The following CNTNAP2 variants were observed in gnomAD, a reference collection of about 807,000 sequenced individuals.
CNTNAP2 encodes contactin associated protein 2, also known as contactin-associated protein-like 2.
A neutral mutation model predicts 155.2 loss-of-function variants in CNTNAP2; 98 were observed. The observed-to-expected ratio is 0.63, with a 90% CI of 0.54 to 0.75. The LOEUF (loss-of-function observed/expected upper bound fraction) is 0.75. Among genes scored for constraint, CNTNAP2 ranks in the 30% least tolerant of loss-of-function variants. The pLI is 0.00. For missense variants in CNTNAP2, 1,727 were observed against 1,688.1 expected, an observed-to-expected ratio of 1.02 and a Z score of -0.40; for synonymous variants, 651 against 631.2, an observed-to-expected ratio of 1.03 and a Z score of -0.47.
At chr7:146,696,306 T>C (rs528786031) in intron 1 of CNTNAP2, among the ~76,000 whole-genome samples, 1 of 152,210 alleles carries the variant, frequency 6.6e-6, no homozygotes, top group Non-Finnish European at 1.5e-5. Context: ...ATCAAATCTG[T>C]AAGCATGAAA....
chr7:147,486,889 C>CCGTGTGTGTGTGTGTG (rs71527815), intron 11 of CNTNAP2, among the ~76,000 whole-genome samples: 1 of 146,842 alleles, frequency 6.8e-6, no homozygotes, highest in South Asian at 2.2e-4. Context: ...ACGTATGTGC[C>CCGTGTGTGTGTGTGTG]TGTGTGTGTG....
chr7:147,668,854 G>A (rs560629028), intron 13 of CNTNAP2, among the ~76,000 whole-genome samples: 52 of 152,106 alleles, frequency 3.4e-4, no homozygotes, highest in Middle Eastern at 3.4e-3. Flanking sequence ...AGTAGTGTGC[G>A]GTGATGCCCT....
intron 1 of CNTNAP2, among the ~76,000 whole-genome samples, chr7:146,324,587 C>T (rs1037475227): frequency 6.6e-6 from 1 of 152,132 alleles, no homozygotes; most frequent in African/African-American, 2.4e-5. Flanking sequence ...TGACATCTTT[C>T]AGTCAGGGTT....
At chr7:146,545,975 G>A (rs1249824057) in intron 1 of CNTNAP2, among the ~76,000 whole-genome samples, 2 of 151,900 alleles carry the variant, frequency 1.3e-5, no homozygotes, top group African/African-American at 4.8e-5. Context: ...GAAAACAATG[G>A]ATCATGATAT....
chr7:147,211,760 T>A (rs1033343571), intron 8 of CNTNAP2, among the ~76,000 whole-genome samples: 1 of 151,934 alleles, frequency 6.6e-6, no homozygotes, highest in African/African-American at 2.4e-5. Context: ...AAATTATAAC[T>A]AAGTCCTCAA....
chr7:147,988,644 C>T (rs1288412070), intron 15 of CNTNAP2, among the ~76,000 whole-genome samples: 3 of 152,052 alleles, frequency 2.0e-5, no homozygotes, highest in African/African-American at 7.2e-5. Context: ...TGGGTTCTGC[C>T]TCCTCCATGT....
Position 148,418,840 on chromosome 7 carries a change from C to A in CNTNAP2, c.*3224C>A, listed in dbSNP as rs1005079541. 1.3e-5 allele frequency: 2 copies of A among 152,228 alleles called. No homozygotes were observed. The highest frequency in any genetic ancestry group is 4.8e-5 in the African/African-American group (2 of 41,454). The allele number at this position is 152,228 out of a possible 1,614,324, so 9.4% of individuals were successfully genotyped here. ...GTCCTACTGCCCTGCATTTGACAAACAAGCATCCTTTACTAACAAGAGCAG... is the reference window on the plus strand; with the variant it reads ...GTCCTACTGCCCTGCATTTGACAAAAAAGCATCCTTTACTAACAAGAGCAG... On this transcript the variant is annotated 3_prime_UTR_variant, in exon 24 of 24. Coordinates refer to ENST00000361727, the MANE Select transcript of CNTNAP2 (RefSeq NM_014141.6).
intron 1 of CNTNAP2, among the ~76,000 whole-genome samples, chr7:146,295,441 G>C (rs1263769298): frequency 6.6e-6 from 1 of 152,080 alleles, no homozygotes; most frequent in Non-Finnish European, 1.5e-5. Flanking sequence ...TGTTCATAAA[G>C]ATGTATGTAA....
chr7:147,629,380 G>A (rs931753944), intron 12 of CNTNAP2, among the ~76,000 whole-genome samples: 9 of 148,816 alleles, frequency 6.0e-5, no homozygotes, highest in Non-Finnish European at 1.2e-4. Flanking sequence ...TCCAGCCTGG[G>A]CAACAAGAGC....
rs536553541 is a variant in CNTNAP2, at chr7:148,080,731, A to G, written c.2384-37387A>G. Among the ~76,000 whole-genome samples, 4 of 152,300 alleles carry G rather than the reference A, an allele frequency of 2.6e-5. No homozygotes were observed. In the East Asian group the frequency reaches 7.7e-4, roughly 29 times the overall value. On this transcript the variant is annotated intron_variant, in intron 15 of 23. Coordinates refer to ENST00000361727, the MANE Select transcript of CNTNAP2 (RefSeq NM_014141.6). Reference sequence around the variant, plus strand: ...AATTTAGACCTTCACTATGCAATGCATATTTTATCTAGGAACACTTTTACT... The same window carrying G: ...AATTTAGACCTTCACTATGCAATGCGTATTTTATCTAGGAACACTTTTACT...
intron 21 of CNTNAP2, among the ~76,000 whole-genome samples, chr7:148,287,795 CTTT>C (rs71188961): frequency 1.4e-5 from 1 of 73,442 alleles, no homozygotes. Flanking sequence ...TTCTTTTTTT[CTTT>C]TTTTTTTTTT....
chr7:147,310,494 AT>A (rs1273074523), intron 9 of CNTNAP2, among the ~76,000 whole-genome samples: 1 of 152,150 alleles, frequency 6.6e-6, no homozygotes, highest in African/African-American at 2.4e-5. Context: ...TTGTATGTGA[AT>A]TTTTTAGCAA....
intron 11 of CNTNAP2, among the ~76,000 whole-genome samples, chr7:147,539,883 A>G (rs867725136): frequency 3.3e-5 from 5 of 152,162 alleles, no homozygotes; most frequent in Admixed American, 1.3e-4. Context: ...AGACCATGTG[A>G]TGGCTTTATA....
At chr7:146,496,478 A>C (rs1797216700) in intron 1 of CNTNAP2, among the ~76,000 whole-genome samples, 1 of 152,198 alleles carries the variant, frequency 6.6e-6, no homozygotes, top group Non-Finnish European at 1.5e-5. Flanking sequence ...GAACAATTGA[A>C]ACTAAAATAA....
chr7:147,761,105 T>C (rs1232411850), intron 13 of CNTNAP2, among the ~76,000 whole-genome samples: 1 of 152,024 alleles, frequency 6.6e-6, no homozygotes, highest in Non-Finnish European at 1.5e-5. Context: ...CCAGAGAAAA[T>C]CAATAAACTT....
intron 1 of CNTNAP2, among the ~76,000 whole-genome samples, chr7:146,590,285 G>A (rs1442603297): frequency 1.3e-5 from 2 of 152,062 alleles, no homozygotes; most frequent in Non-Finnish European, 2.9e-5. Flanking sequence ...CAAATATTTA[G>A]TTATCAGGAA....
rs1563225193 is a variant in CNTNAP2, at chr7:146,774,295, C to T, written c.122C>T (p.Ser41Phe). The T allele has an allele frequency of 6.2e-7, 1 of 1,613,796 alleles. No individual in the cohort carries two copies. The highest frequency in any genetic ancestry group is 1.3e-5 in the African/African-American group (1 of 74,914). Residue 41 changes from serine to phenylalanine, a missense_variant, in exon 2 of 24, where the codon TCT becomes TTT. Coordinates refer to ENST00000361727, the MANE Select transcript of CNTNAP2 (RefSeq NM_014141.6). ...TSQKCDEPLV[S>F]GLPHVAFSSS... ...GAAAAATGTGATGAGCCACTTGTCT[C>T]TGGACTCCCCCATGTGGCTTTCAGC...
intron 10 of CNTNAP2, among the ~76,000 whole-genome samples, chr7:147,426,084 C>T (rs1797373052): frequency 6.6e-6 from 1 of 151,882 alleles, no homozygotes; most frequent in African/African-American, 2.4e-5. Flanking sequence ...AATTCTATGC[C>T]TGTAAACCAA....
At chr7:147,102,295 A>G (rs1800673508) in intron 4 of CNTNAP2, among the ~76,000 whole-genome samples, 1 of 151,564 alleles carries the variant, frequency 6.6e-6, no homozygotes, top group South Asian at 2.1e-4. Context: ...AAAAAAAAAA[A>G]AAGAAGCTCA....
Sources: allele counts gnomAD v4.1 joint callset (sites outside exome capture counted in the v4.1 genomes callset), GRCh38; gene constraint gnomAD v4.1.1; transcripts MANE v1.5; gene names NCBI Gene and HGNC (gene_info 2026-07-23, HGNC 2026-07-21).